The following ARHGAP18 variants were observed in gnomAD, a reference collection of about 807,000 sequenced individuals.
ARHGAP18 encodes Rho GTPase activating protein 18.
A neutral mutation model predicts 86.2 loss-of-function variants in ARHGAP18; 67 were observed. The ratio of observed to expected loss-of-function variants is 0.78; its 90% CI spans 0.64 to 0.95. The LOEUF is 0.95. Ranked by LOEUF, ARHGAP18 falls within the 40% of genes least tolerant of loss-of-function variation. The pLI is 0.00. For missense variants in ARHGAP18, 691 were observed against 780.4 expected (o/e 0.89, Z 1.37); for synonymous variants, 283 against 280.4 (o/e 1.01, Z -0.09).
intron 1 of ARHGAP18, among the ~76,000 whole-genome samples, chr6:129,698,782 T>A (rs1774664599): frequency 6.8e-6 from 1 of 147,770 alleles, no homozygotes; most frequent in Admixed American, 6.9e-5. Context: ...AACCTCCGCC[T>A]AATGGGTTCA....
At chr6:129,694,307 G>A (rs746739433) in intron 1 of ARHGAP18, among the ~76,000 whole-genome samples, 4 of 152,198 alleles carry the variant, frequency 2.6e-5, no homozygotes, top group African/African-American at 4.8e-5. Flanking sequence ...AATCTCAGCC[G>A]TGCCAATAGC....
intron 9 of ARHGAP18, among the ~76,000 whole-genome samples, chr6:129,606,970 C>T (rs1424924902): frequency 1.3e-5 from 2 of 151,746 alleles, no homozygotes. Flanking sequence ...AAGTGATTCT[C>T]TGCCTCAGCC....
intron 5 of ARHGAP18, among the ~76,000 whole-genome samples, chr6:129,622,681 G>A (rs1312432637): frequency 1.3e-5 from 2 of 151,170 alleles, no homozygotes; most frequent in African/African-American, 2.4e-5. Flanking sequence ...CAAGAGAAAA[G>A]TTCTCTACCT....
At chr6:129,590,053 T>C (rs1788479578) in intron 12 of ARHGAP18, among the ~76,000 whole-genome samples, 1 of 152,224 alleles carries the variant, frequency 6.6e-6, no homozygotes, top group Non-Finnish European at 1.5e-5. Context: ...CACTTTCTTC[T>C]GCCTGCTTTT....
At chr6:129,625,133 T>TTATATATTATATA (rs1487649334) in intron 5 of ARHGAP18, among the ~76,000 whole-genome samples, 18 of 16,508 alleles carry the variant, frequency 1.1e-3, no homozygotes, top group East Asian at 0.011. Flanking sequence ...ATATTATATA[T>TTATATATTATATA]GATATATATT....
chr6:129,640,057 AAAAAAAAC>A (rs1331991879), intron 2 of ARHGAP18, among the ~76,000 whole-genome samples: 5 of 151,038 alleles, frequency 3.3e-5, no homozygotes, highest in Non-Finnish European at 7.4e-5. Context: ...AAAAAAAAAA[AAAAAAAAC>A]AAACAAAAGT....
At position 129,580,574 on chromosome 6, in the gene ARHGAP18, A is replaced by G. The variant is rs563490647; in HGVS notation, c.1839-443T>C. Reference sequence around the variant, plus strand: ...TGTGCTGACAACTCCAGTAGTGTGCAAGATGCATGTGAAGAATAAGACATG... The same window carrying G: ...TGTGCTGACAACTCCAGTAGTGTGCGAGATGCATGTGAAGAATAAGACATG... On this transcript the variant is annotated intron_variant, in intron 13 of 14. Coordinates refer to ENST00000368149, the MANE Select transcript of ARHGAP18 (RefSeq NM_033515.3). Among the ~76,000 whole-genome samples the G allele has an allele frequency of 2.0e-5, 3 of 152,316 alleles. No individual in the cohort carries two copies. In the East Asian group the frequency reaches 5.8e-4, roughly 29 times the overall value.
chr6:129,651,960 A>G (rs1773720335), intron 1 of ARHGAP18, among the ~76,000 whole-genome samples: 1 of 152,174 alleles, frequency 6.6e-6, no homozygotes, highest in Admixed American at 6.5e-5. Flanking sequence ...CTCTTCCACA[A>G]TGTGAAGGAC....
At position 129,625,095 on chromosome 6, in the gene ARHGAP18, T is replaced by C. The variant is rs13195919; in HGVS notation, c.786+4258A>G. On this transcript the variant is annotated intron_variant, in intron 5 of 14. Transcript: ENST00000368149. ...TATAATATATATGATATATGATATA[T>C]GATATATATTATATATTATATAGAT... Among the ~76,000 whole-genome samples, 49 of 98,104 alleles carry C rather than the reference T, an allele frequency of 5.0e-4. 8 individuals are homozygous for C. The highest frequency in any genetic ancestry group is 6.8e-4 in the Non-Finnish European group (36 of 52,844). The allele number at this position is 98,104 out of a possible 152,430, so 64.4% of individuals were successfully genotyped here. A position where few individuals can be genotyped will look rare whatever the true frequency, so the allele number is the denominator to read the frequency against.
intron 1 of ARHGAP18, among the ~76,000 whole-genome samples, chr6:129,647,618 A>G (rs564375794): frequency 2.6e-5 from 4 of 152,260 alleles, no homozygotes; most frequent in Admixed American, 1.3e-4. Context: ...TACATACAGT[A>G]TAAGACAGAA....
intron 4 of ARHGAP18, among the ~76,000 whole-genome samples, chr6:129,630,716 C>A (rs9375643): frequency 1.3e-5 from 2 of 151,732 alleles, no homozygotes; most frequent in African/African-American, 4.8e-5. Flanking sequence ...AGTAGACTTC[C>A]CAGGCATGAG....
At chr6:129,686,978 C>CTTTTTTTTT (rs71028176) in intron 1 of ARHGAP18, among the ~76,000 whole-genome samples, 121 of 106,894 alleles carry the variant, frequency 1.1e-3, no homozygotes, top group East Asian at 1.6e-3. Context: ...TTTTTTTTTT[C>CTTTTTTTTT]TTTTTTTTTT....
Position 129,638,398 on chromosome 6 carries a change from T to C in ARHGAP18, c.548A>G (p.Glu183Gly), listed in dbSNP as rs1584076936. 6.2e-7 allele frequency: 1 copy of C among 1,613,250 alleles called. No individual in the cohort carries two copies. The highest frequency in any genetic ancestry group is 1.3e-5 in the African/African-American group (1 of 74,956). Residue 183 changes from glutamate to glycine, a missense_variant, in exon 3 of 15, where the codon GAA becomes GGA. Physicochemically the swap from Glu to Gly is moderately conservative, Grantham distance 98. Coordinates refer to ENST00000368149, the MANE Select transcript of ARHGAP18 (RefSeq NM_033515.3). ...ACATCAAAAAAGAAAACCTACTGTT[T>C]CTTTTGATTCTCTCTGTTGAGCAAA... Reference protein sequence around the residue: ...DIFAQQRESKETAPGGTESQS... With the variant: ...DIFAQQRESKGTAPGGTESQS...
At chr6:129,618,609 C>T (rs1474462818) in intron 6 of ARHGAP18, 78 bp downstream of exon 6, 4 of 1,373,026 alleles carry the variant, frequency 2.9e-6, no homozygotes, top group African/African-American at 2.9e-5. Context: ...TCCCTGTCTC[C>T]CAGAAATACT....
At chr6:129,656,639 G>A (rs1028931530) in intron 1 of ARHGAP18, among the ~76,000 whole-genome samples, 14 of 146,976 alleles carry the variant, frequency 9.5e-5, no homozygotes, top group Non-Finnish European at 1.2e-4. Flanking sequence ...GCGAGATTCC[G>A]TCTCAAAAAA....
At chr6:129,640,287 T>C (rs115696027) in intron 2 of ARHGAP18, among the ~76,000 whole-genome samples, 1,766 of 152,316 alleles carry the variant, frequency 0.012, 34 homozygotes, top group African/African-American at 0.039. Flanking sequence ...CCCAATCTTC[T>C]TGATGATCAC....
intron 6 of ARHGAP18, among the ~76,000 whole-genome samples, chr6:129,618,380 T>C (rs950797679): frequency 6.6e-5 from 10 of 152,228 alleles, no homozygotes; most frequent in Non-Finnish European, 1.5e-4. Flanking sequence ...GTACCAAATA[T>C]GTATCTTTTT....
intron 1 of ARHGAP18, among the ~76,000 whole-genome samples, chr6:129,651,607 C>G (rs1232834062): frequency 1.3e-5 from 2 of 152,136 alleles, no homozygotes; most frequent in African/African-American, 4.8e-5. Context: ...ACAACTCTTT[C>G]CAGCATAGGC....
rs572519689 is a variant in ARHGAP18, at chr6:129,608,634, T to C, written c.1123-582A>G. Reference sequence around the variant, plus strand: ...TGCCAGCTGCAAAAAACAGTCTGAGTCCATGCAGAATTAGAAATATCTAGT... The same window carrying C: ...TGCCAGCTGCAAAAAACAGTCTGAGCCCATGCAGAATTAGAAATATCTAGT... On this transcript the variant is annotated intron_variant, in intron 8 of 14. Coordinates refer to ENST00000368149, the MANE Select transcript of ARHGAP18 (RefSeq NM_033515.3). 3.5e-4 allele frequency among the ~76,000 whole-genome samples: 54 copies of C among 152,226 alleles called. 1 individual carries two copies. The South Asian group carries it at 0.011, about 32-fold the overall frequency.
Sources: allele counts gnomAD v4.1 joint callset (sites outside exome capture counted in the v4.1 genomes callset), GRCh38; gene constraint gnomAD v4.1.1; transcripts MANE v1.5; gene names NCBI Gene and HGNC (gene_info 2026-07-23, HGNC 2026-07-21).